CACNA1E: variants seen among roughly 807,000 people sequenced by gnomAD.
CACNA1E encodes the protein voltage-dependent R-type calcium channel subunit alpha-1E.
CACNA1E carries 40 observed loss-of-function variants against 259.2 expected under a neutral mutation model. The ratio of observed to expected loss-of-function variants is 0.15; its 90% CI spans 0.12 to 0.20. CACNA1E has a LOEUF of 0.20. CACNA1E is among the 10% of genes least tolerant of loss of function. The probability of loss-of-function intolerance (pLI) is 1.00; values close to 1 mark genes in which losing one functional copy is unlikely to be tolerated. For missense variants in CACNA1E, 1,874 were observed against 3,040.1 expected (o/e 0.62, Z 9.02); for synonymous variants, 1,104 against 1,138.5 (o/e 0.97, Z 0.61).
intron 3 of CACNA1E, among the ~76,000 whole-genome samples, chr1:181,565,682 A>G (rs1291688757): frequency 6.6e-6 from 1 of 152,242 alleles, no homozygotes; most frequent in Non-Finnish European, 1.5e-5. Context: ...AGTAAAAACA[A>G]TAGGTGTACA....
rs1009031721 is a variant in CACNA1E, at chr1:181,758,665, G to A, written c.4495-93G>A. ...ACCACACACCAGAGTGTCCCACAGG[G>A]CAGGAATGAGAGATGGCCAACCTCA... On this transcript the variant is annotated intron_variant, in intron 31 of 47. Coordinates refer to ENST00000367573, the MANE Select transcript of CACNA1E (RefSeq NM_001205293.3). The surrounding 1 kb of genome is among the most constrained non-coding windows in gnomAD (Gnocchi z 4.2). The A allele has an allele frequency of 1.4e-6, 1 of 704,714 alleles. No individual in the cohort carries two copies. The highest frequency in any genetic ancestry group is 2.5e-6 in the Non-Finnish European group (1 of 394,782). 43.7% of individuals were successfully genotyped at this position (704,714 alleles called of 1,614,324 possible). A position where few individuals can be genotyped will look rare whatever the true frequency, so the allele number is the denominator to read the frequency against.
intron 1 of CACNA1E, among the ~76,000 whole-genome samples, chr1:181,497,928 G>A (rs553948339): frequency 5.1e-4 from 78 of 152,288 alleles, no homozygotes; most frequent in African/African-American, 1.9e-3. Flanking sequence ...TCACTGGAAT[G>A]CGAGCTTGAG....
At chr1:181,645,881 A>G (rs181205597) in intron 6 of CACNA1E, among the ~76,000 whole-genome samples, 55 of 152,342 alleles carry the variant, frequency 3.6e-4, no homozygotes, top group Admixed American at 2.2e-3. Flanking sequence ...CATGGAATCC[A>G]AGTCCCTCGG....
chr1:181,520,501 G>A (rs144057978), intron 3 of CACNA1E, among the ~76,000 whole-genome samples: 27 of 152,174 alleles, frequency 1.8e-4, no homozygotes, highest in African/African-American at 6.5e-4. Flanking sequence ...CTATGGTTCT[G>A]TAGACCTCAT....
At chr1:181,481,065 G>A (rs552763463), upstream of CACNA1E, among the ~76,000 whole-genome samples, 6 of 152,218 alleles carry the variant, frequency 3.9e-5, no homozygotes, top group African/African-American at 1.2e-4. Context: ...GTGACTGGCT[G>A]ATGGGACTTC....
intron 1 of CACNA1E, among the ~76,000 whole-genome samples, chr1:181,371,267 T>A (rs1654696521): frequency 6.6e-6 from 1 of 152,148 alleles, no homozygotes; most frequent in African/African-American, 2.4e-5. Flanking sequence ...TTTATTTTAT[T>A]TTTAAATTTA....
At chr1:181,361,074 C>T (rs1290383141) in intron 1 of CACNA1E, among the ~76,000 whole-genome samples, 1 of 152,142 alleles carries the variant, frequency 6.6e-6, no homozygotes, top group African/African-American at 2.4e-5. Context: ...CTCACCACTC[C>T]CAGTCACCCT....
intron 6 of CACNA1E, among the ~76,000 whole-genome samples, chr1:181,605,804 C>CAT (rs1654181877): frequency 6.6e-6 from 1 of 152,132 alleles, no homozygotes; most frequent in South Asian, 2.1e-4. Context: ...AGCTTCTCAG[C>CAT]ATATAGAGAT....
chr1:181,740,076 G>T (rs1253626620), intron 25 of CACNA1E, among the ~76,000 whole-genome samples: 5 of 152,110 alleles, frequency 3.3e-5, no homozygotes, highest in African/African-American at 1.2e-4. Flanking sequence ...CAGCCTCAGG[G>T]CTCTGTCTGT....
chr1:181,796,788 A>T lies in CACNA1E; in HGVS notation c.6329A>T (p.Asp2110Val), dbSNP rs561783825. The T allele has an allele frequency of 6.2e-7, 1 of 1,612,146 alleles. No homozygotes were observed. Among genetic ancestry groups the T allele is most frequent in the African/African-American group, 1.3e-5 (1 of 75,022 alleles). Residue 2110 changes from aspartate to valine, a missense_variant, in exon 47 of 48, where the codon GAC becomes GTC. This residue lies in a region of CACNA1E where 542 missense variants were observed against 587.2 expected (regional missense o/e 0.92). Transcript: ENST00000367573. ...CNSEERGTQA[D>V]WESPERRQSR... is the part of the protein sequence containing the mutation. ...TCAGAAGAGCGAGGGACCCAGGCTG[A>T]CTGGGAGTCCCCAGAGCGCCGTCAA...
intron 3 of CACNA1E, among the ~76,000 whole-genome samples, chr1:181,574,765 A>T (rs1031582152): frequency 4.6e-5 from 7 of 152,130 alleles, no homozygotes; most frequent in African/African-American, 1.7e-4. Context: ...GGTGGCTCAC[A>T]CCTGTAATCC....
At chr1:181,750,635 C>A in intron 26 of CACNA1E, 148 bp downstream of exon 26, 1 of 727,882 alleles carries the variant, frequency 1.4e-6, no homozygotes, top group Non-Finnish European at 2.3e-6. Flanking sequence ...TTAGGAGTCA[C>A]CAAGCCTTCT....
intron 6 of CACNA1E, among the ~76,000 whole-genome samples, chr1:181,593,747 C>T (rs1443443962): frequency 1.3e-5 from 2 of 152,152 alleles, no homozygotes; most frequent in African/African-American, 2.4e-5. Flanking sequence ...CCATATTGGC[C>T]AGGCTGGTTT....
At chr1:181,425,520 T>G (rs1659102310) in intron 2 of CACNA1E, among the ~76,000 whole-genome samples, 1 of 145,212 alleles carries the variant, frequency 6.9e-6, no homozygotes, top group African/African-American at 2.8e-5. Context: ...GAAATTGCTG[T>G]ACACCCCCGC....
chr1:181,654,144 G>A (rs1658992877), intron 7 of CACNA1E, among the ~76,000 whole-genome samples: 1 of 133,552 alleles, frequency 7.5e-6, no homozygotes, highest in Non-Finnish European at 1.7e-5. Context: ...CAGAATAACA[G>A]GCCAATAAAT....
intron 1 of CACNA1E, among the ~76,000 whole-genome samples, chr1:181,390,984 C>T (rs1286685464): frequency 2.0e-5 from 3 of 152,214 alleles, no homozygotes; most frequent in Non-Finnish European, 4.4e-5. Flanking sequence ...GTAATTTCCA[C>T]CCAGTTACTT....
intron 6 of CACNA1E, among the ~76,000 whole-genome samples, chr1:181,613,358 C>T (rs969105514): frequency 1.3e-5 from 2 of 152,058 alleles, no homozygotes; most frequent in Admixed American, 6.6e-5. Context: ...GGGCTGGAAG[C>T]GTTACTGATA....
intron 43 of CACNA1E, 81 bp downstream of exon 43, chr1:181,785,900 C>A: frequency 1.2e-6 from 1 of 825,436 alleles, no homozygotes; most frequent in African/African-American, 1.7e-5. Flanking sequence ...AAACTCACTG[C>A]TCAGAAGGGC....
chr1:181,736,666 G>A (rs1027910772), intron 22 of CACNA1E, among the ~76,000 whole-genome samples: 9 of 152,318 alleles, frequency 5.9e-5, no homozygotes, highest in South Asian at 2.1e-4. Context: ...ATCGACAGGA[G>A]AACATGAGAA....
Sources: allele counts gnomAD v4.1 joint callset (sites outside exome capture counted in the v4.1 genomes callset), GRCh38; gene constraint gnomAD v4.1.1; regional missense constraint gnomAD v4.1.1; non-coding constraint Gnocchi (gnomAD v3.1); transcripts MANE v1.5; gene names NCBI Gene and HGNC (gene_info 2026-07-23, HGNC 2026-07-21).